The following AP1S3 variants were observed in gnomAD, a reference collection of about 807,000 sequenced individuals.
AP1S3 encodes the protein AP-1 complex subunit sigma-3.
Under a neutral mutation model 20.9 loss-of-function variants are expected in AP1S3, and 10 were observed. The observed-to-expected ratio is 0.48, with a 90% CI of 0.29 to 0.81. The LOEUF (loss-of-function observed/expected upper bound fraction) is 0.81. Among genes scored for constraint, AP1S3 ranks in the 30% least tolerant of loss-of-function variants. The pLI, the probability that AP1S3 is intolerant of heterozygous loss-of-function variation, is 0.08. For missense variants in AP1S3, 154 were observed against 183.8 expected (o/e 0.84, Z 0.94); for synonymous variants, 41 against 61.5 (o/e 0.67, Z 1.56).
intron 1 of AP1S3, among the ~76,000 whole-genome samples, chr2:223,793,575 GGGAGAGCATCA>G (rs1414837666): frequency 6.6e-6 from 1 of 152,112 alleles, no homozygotes; most frequent in African/African-American, 2.4e-5. Context: ...GGTAGGAGGA[GGGAGAGCATCA>G]GGAAGAATAG....
intron 1 of AP1S3, among the ~76,000 whole-genome samples, chr2:223,815,753 T>A (rs572785403): frequency 1.1e-4 from 16 of 152,312 alleles, no homozygotes; most frequent in Middle Eastern, 6.8e-3. Context: ...TCTTGAAAAC[T>A]GCAACTTTAA....
intron 1 of AP1S3, among the ~76,000 whole-genome samples, chr2:223,812,014 G>T (rs909029950): frequency 2.0e-5 from 3 of 152,168 alleles, no homozygotes; most frequent in Non-Finnish European, 4.4e-5. Context: ...CTGACGCTAT[G>T]CCTTTATCCA....
chr2:223,835,506 T>C (rs1177023668), intron 1 of AP1S3, among the ~76,000 whole-genome samples: 2 of 152,004 alleles, frequency 1.3e-5, no homozygotes, highest in Non-Finnish European at 2.9e-5. Context: ...AATACAAAAA[T>C]TAGCTAGGCG....
chr2:223,779,512 C>T (rs997072184), intron 1 of AP1S3, among the ~76,000 whole-genome samples: 3 of 152,100 alleles, frequency 2.0e-5, no homozygotes, highest in African/African-American at 4.8e-5. Context: ...TTTTCTCAAT[C>T]CACGGTATCA....
chr2:223,762,498 C>G (rs540657585), intron 4 of AP1S3, among the ~76,000 whole-genome samples: 1 of 152,060 alleles, frequency 6.6e-6, no homozygotes, highest in Non-Finnish European at 1.5e-5. Flanking sequence ...GCCTCGAACT[C>G]GTGGCCTCAA....
chr2:223,773,523 T>G (rs1053148093), intron 3 of AP1S3, among the ~76,000 whole-genome samples: 1 of 152,246 alleles, frequency 6.6e-6, no homozygotes, highest in African/African-American at 2.4e-5. Context: ...TCTAGTTGTC[T>G]TATTGCTGTT....
chr2:223,812,874 CA>C (rs1396380078), intron 1 of AP1S3, among the ~76,000 whole-genome samples: 4 of 151,698 alleles, frequency 2.6e-5, no homozygotes, highest in African/African-American at 9.7e-5. Context: ...TAAAAACAAT[CA>C]AAAATCACTT....
At chr2:223,788,822 C>T (rs1173292357) in intron 1 of AP1S3, among the ~76,000 whole-genome samples, 1 of 151,666 alleles carries the variant, frequency 6.6e-6, no homozygotes, top group African/African-American at 2.4e-5. Context: ...GCCTGCCACC[C>T]TCCTGGATCC....
intron 1 of AP1S3, among the ~76,000 whole-genome samples, chr2:223,829,381 C>T (rs1435238744): frequency 1.3e-5 from 2 of 152,110 alleles, no homozygotes; most frequent in South Asian, 2.1e-4. Flanking sequence ...AATCCCAACA[C>T]TTTGGGAGAC....
intron 1 of AP1S3, among the ~76,000 whole-genome samples, chr2:223,804,236 T>A (rs1447920074): frequency 6.6e-6 from 1 of 152,122 alleles, no homozygotes; most frequent in Non-Finnish European, 1.5e-5. Flanking sequence ...TGAGCACAGA[T>A]CCCACACCCT....
At chr2:223,799,598 T>C (rs183565200) in intron 1 of AP1S3, among the ~76,000 whole-genome samples, 3 of 152,294 alleles carry the variant, frequency 2.0e-5, no homozygotes, top group Non-Finnish European at 4.4e-5. Flanking sequence ...AACCAGATCA[T>C]CTACATTCCA....
chr2:223,775,232 C>G (rs1007254346), intron 3 of AP1S3, among the ~76,000 whole-genome samples: 3 of 152,184 alleles, frequency 2.0e-5, no homozygotes, highest in Admixed American at 6.5e-5. Context: ...TGAATGAGTT[C>G]TGAGGACTGG....
intron 3 of AP1S3, among the ~76,000 whole-genome samples, chr2:223,772,654 T>TAA (rs35670325): frequency 6.6e-6 from 1 of 150,890 alleles, no homozygotes; most frequent in South Asian, 2.1e-4. Context: ...TGAAAAGTGC[T>TAA]AAAAAAAAAT....
intron 3 of AP1S3, among the ~76,000 whole-genome samples, chr2:223,771,106 C>G (rs1015954068): frequency 6.6e-6 from 1 of 151,318 alleles, no homozygotes; most frequent in South Asian, 2.1e-4. Context: ...GGGGCTGAGG[C>G]GGGCTGATCA....
intron 1 of AP1S3, among the ~76,000 whole-genome samples, chr2:223,781,562 C>A (rs971831528): frequency 6.6e-6 from 1 of 151,606 alleles, no homozygotes; most frequent in African/African-American, 2.4e-5. Context: ...ATAGCAAGAC[C>A]CCATATCTAT....
chr2:223,758,500 A>G lies in AP1S3; in HGVS notation c.*215T>C. 1 of 1,230,768 alleles carries G rather than the reference A, an allele frequency of 8.1e-7. No individual in the cohort carries two copies. Among genetic ancestry groups the G allele is most frequent in the Non-Finnish European group, 1.0e-6 (1 of 986,496 alleles). 76.2% of individuals were successfully genotyped at this position (1,230,768 alleles called of 1,614,324 possible). Reference sequence around the variant, plus strand: ...TAAACATTTAGAGCTACAAGTACCTATACAGTATAACACAGACACATAATT... The same window carrying G: ...TAAACATTTAGAGCTACAAGTACCTGTACAGTATAACACAGACACATAATT... On this transcript the variant is annotated 3_prime_UTR_variant, in exon 5 of 5. Transcript: ENST00000396654.
intron 3 of AP1S3, among the ~76,000 whole-genome samples, chr2:223,771,253 T>C (rs13002419): frequency 0.69 from 105,372 of 151,650 alleles, 37,570 homozygotes; most frequent in East Asian, 0.98. Context: ...AGGAGAATCG[T>C]TTGAACCCAG....
Position 223,757,992 on chromosome 2 carries a change from A to G in AP1S3, c.*723T>C. 1.0e-6 allele frequency: 1 copy of G among 966,476 alleles called. No homozygotes were observed. Among genetic ancestry groups the G allele is most frequent in the Non-Finnish European group, 1.2e-6 (1 of 812,662 alleles). The allele number at this position is 966,476 out of a possible 1,614,324, so 59.9% of individuals were successfully genotyped here. A position where few individuals can be genotyped will look rare whatever the true frequency, so the allele number is the denominator to read the frequency against. The stretch of plus-strand genomic sequence containing the variant: ...TATCTCTAGGTCTCTATAAACCTTA[A>G]TAAATATATAGTTCATAGAAAACCT... On this transcript the variant is annotated 3_prime_UTR_variant, in exon 5 of 5. Transcript: ENST00000396654.
At chr2:223,784,372 C>A (rs1344473720) in intron 1 of AP1S3, among the ~76,000 whole-genome samples, 1 of 152,158 alleles carries the variant, frequency 6.6e-6, no homozygotes, top group Non-Finnish European at 1.5e-5. Flanking sequence ...TGGCTCCTCC[C>A]AACCTGCATA....
Sources: allele counts gnomAD v4.1 joint callset (sites outside exome capture counted in the v4.1 genomes callset), GRCh38; gene constraint gnomAD v4.1.1; transcripts MANE v1.5; gene names NCBI Gene and HGNC (gene_info 2026-07-23, HGNC 2026-07-21).